Variants in BMPR2 observed in about 807,000 individuals in gnomAD.
The protein encoded by BMPR2 is bone morphogenetic protein receptor type 2.
In BMPR2, 29 loss-of-function variants were observed where a neutral mutation model predicts 100.8. That is an observed-to-expected ratio of 0.29 (90% confidence interval 0.21 to 0.39). BMPR2 has a LOEUF of 0.39. Among genes scored for constraint, BMPR2 ranks in the 10% least tolerant of loss-of-function variants. BMPR2 has a pLI of 1.00. For synonymous variants in BMPR2, 382 were observed against 442.3 expected (o/e 0.86, Z 1.71); for missense variants, 1,011 against 1,274.5 (o/e 0.79, Z 3.15).
chr2:202,494,748 A>C (rs554697908), intron 3 of BMPR2, among the ~76,000 whole-genome samples: 1 of 152,374 alleles, frequency 6.6e-6, no homozygotes, highest in South Asian at 2.1e-4. Flanking sequence ...TAGACAACAA[A>C]AAATAGGAGT....
chr2:202,507,184 T>C (rs952600205), intron 3 of BMPR2, among the ~76,000 whole-genome samples: 12 of 152,154 alleles, frequency 7.9e-5, no homozygotes, highest in Non-Finnish European at 1.6e-4. Context: ...AAGAGCAGCC[T>C]TGGGTCTCTT....
chr2:202,415,045 G>A (rs748828110), intron 1 of BMPR2, among the ~76,000 whole-genome samples: 75 of 152,146 alleles, frequency 4.9e-4, no homozygotes, highest in African/African-American at 1.5e-3. Flanking sequence ...TCAGTCTTCT[G>A]TGAAAACTGA....
chr2:202,461,392 G>T (rs1330413535), intron 1 of BMPR2, among the ~76,000 whole-genome samples: 1 of 152,126 alleles, frequency 6.6e-6, no homozygotes, highest in African/African-American at 2.4e-5. Flanking sequence ...GCTGAGGCAG[G>T]AGAATGGCTT....
chr2:202,492,504 A>G lies in BMPR2; in HGVS notation c.419-21215A>G, dbSNP rs189585877. ...CACTTGAGACCAGGAGTTCGAGACCAGCCTGGCCAACATAGCAAAACCCCT... is the reference window on the plus strand; with the variant it reads ...CACTTGAGACCAGGAGTTCGAGACCGGCCTGGCCAACATAGCAAAACCCCT... On this transcript the variant is annotated intron_variant, in intron 3 of 12. Transcript: ENST00000374580. Among the ~76,000 whole-genome samples, 1,260 of 152,038 alleles carry G rather than the reference A, an allele frequency of 8.3e-3. 9 individuals are homozygous for G. The highest frequency in any genetic ancestry group is 0.011 in the Non-Finnish European group (750 of 67,932).
chr2:202,426,570 A>G (rs1458011344), intron 1 of BMPR2, among the ~76,000 whole-genome samples: 2 of 146,068 alleles, frequency 1.4e-5, no homozygotes, highest in Non-Finnish European at 3.0e-5. Flanking sequence ...CTCCGTCTCA[A>G]AAAAAAAAAA....
chr2:202,497,833 A>G (rs1693073510), intron 3 of BMPR2, among the ~76,000 whole-genome samples: 1 of 152,116 alleles, frequency 6.6e-6, no homozygotes, highest in Non-Finnish European at 1.5e-5. Context: ...GATTTCTAGT[A>G]TAAACTCCAG....
At position 202,519,004 on chromosome 2, in the gene BMPR2, T is replaced by C; in HGVS notation, c.804T>C (p.Thr268=). ...ARFIVGDERV[T]ADGRMEYLLV... is the part of the protein sequence containing the mutation. ...TTATAGTTGGAGATGAGAGAGTCACTGCAGATGGACGCATGGAATATTTGC... is the reference window on the plus strand; with the variant it reads ...TTATAGTTGGAGATGAGAGAGTCACCGCAGATGGACGCATGGAATATTTGC... The change falls in exon 6 of 13, where the codon ACT becomes ACC. Residue 268 remains threonine, a synonymous_variant. Coordinates refer to ENST00000374580, the MANE Select transcript of BMPR2 (RefSeq NM_001204.7). 16 of 1,614,182 alleles carry C rather than the reference T, an allele frequency of 9.9e-6. No homozygotes were observed. The highest frequency in any genetic ancestry group is 1.3e-5 in the Non-Finnish European group (15 of 1,180,032).
chr2:202,470,484 G>A (rs958310408), intron 3 of BMPR2, among the ~76,000 whole-genome samples: 10 of 152,132 alleles, frequency 6.6e-5, no homozygotes, highest in Non-Finnish European at 1.0e-4. Context: ...GAAAGAGGCC[G>A]GGCGCGGTGG....
chr2:202,441,025 G>A lies in BMPR2; in HGVS notation c.77-23784G>A, dbSNP rs936601638. Among the ~76,000 whole-genome samples, 6 of 150,264 alleles carry A rather than the reference G, an allele frequency of 4.0e-5. 1 individual carries two copies. The highest frequency in any genetic ancestry group is 1.5e-4 in the African/African-American group (6 of 39,662). On this transcript the variant is annotated intron_variant, in intron 1 of 12. Transcript: ENST00000374580. ...GACGGAGTCTTGCTCTGGTCACCCA[G>A]GCTGGAGTGCAGTGGCACAATCTTG...
intron 10 of BMPR2, among the ~76,000 whole-genome samples, chr2:202,547,998 T>A (rs1308075127): frequency 1.3e-5 from 2 of 151,762 alleles, no homozygotes; most frequent in Non-Finnish European, 2.9e-5. Flanking sequence ...GGCAGGAGAA[T>A]CACTTGAACC....
intron 9 of BMPR2, among the ~76,000 whole-genome samples, chr2:202,534,707 ACCTTTCCCG>A (rs1433316068): frequency 6.6e-6 from 1 of 151,002 alleles, no homozygotes; most frequent in Non-Finnish European, 1.5e-5. Context: ...TCTTTTCCCC[ACCTTTCCCG>A]CCTTTCTATT....
chr2:202,413,595 A>G (rs1364106406), intron 1 of BMPR2, among the ~76,000 whole-genome samples: 4 of 152,112 alleles, frequency 2.6e-5, no homozygotes, highest in Non-Finnish European at 5.9e-5. Context: ...AATCATTTGT[A>G]TGTGTGTGAT....
At chr2:202,473,683 C>T (rs1400078776) in intron 3 of BMPR2, among the ~76,000 whole-genome samples, 2 of 151,764 alleles carry the variant, frequency 1.3e-5, no homozygotes, top group Non-Finnish European at 2.9e-5. Flanking sequence ...CCCACCTATT[C>T]GGGAGGCTGA....
chr2:202,468,340 G>A (rs749329178), intron 3 of BMPR2, among the ~76,000 whole-genome samples: 38 of 152,122 alleles, frequency 2.5e-4, no homozygotes, highest in Non-Finnish European at 4.7e-4. Context: ...TTAGCCAGGC[G>A]TGGTGGTGCG....
intron 1 of BMPR2, among the ~76,000 whole-genome samples, chr2:202,420,233 A>G (rs905389397): frequency 4.6e-5 from 7 of 152,138 alleles, no homozygotes; most frequent in South Asian, 4.1e-4. Flanking sequence ...ACTCTTGACC[A>G]TCAAAAGGTA....
intron 3 of BMPR2, among the ~76,000 whole-genome samples, chr2:202,483,390 T>G (rs1449065629): frequency 1.3e-5 from 2 of 148,282 alleles, no homozygotes; most frequent in African/African-American, 2.5e-5. Context: ...TTTGTTTTTG[T>G]TTTTTTTTTG....
intron 1 of BMPR2, among the ~76,000 whole-genome samples, chr2:202,414,269 A>T (rs1035458981): frequency 1.3e-5 from 2 of 152,192 alleles, no homozygotes; most frequent in Admixed American, 6.5e-5. Context: ...CAGGAACCAC[A>T]CCCATATAAA....
At chr2:202,544,875 C>T (rs994215163) in intron 10 of BMPR2, among the ~76,000 whole-genome samples, 4 of 146,588 alleles carry the variant, frequency 2.7e-5, no homozygotes, top group African/African-American at 1.0e-4. Context: ...AGCTATTCTC[C>T]TTCTTCATCT....
rs1295872812 is a variant in BMPR2, at chr2:202,376,967, G to T, written c.-508G>T. On this transcript the variant is annotated 5_prime_UTR_variant, in exon 1 of 13. Coordinates refer to ENST00000374580, the MANE Select transcript of BMPR2 (RefSeq NM_001204.7). ...ACCGAAGCGAAACTTAAGGAATCCT[G>T]CCTTCCCGGAGCCGCGGGCGATGCG... 6.7e-6 allele frequency: 3 copies of T among 449,728 alleles called. No homozygotes were observed. The allele number at this position is 449,728 out of a possible 1,614,324, so 27.9% of individuals were successfully genotyped here. A position where few individuals can be genotyped will look rare whatever the true frequency, so the allele number is the denominator to read the frequency against.
Sources: allele counts gnomAD v4.1 joint callset (sites outside exome capture counted in the v4.1 genomes callset), GRCh38; gene constraint gnomAD v4.1.1; transcripts MANE v1.5; gene names NCBI Gene and HGNC (gene_info 2026-07-23, HGNC 2026-07-21).